Variants in ITPR2 observed in about 807,000 individuals in gnomAD.
The protein encoded by ITPR2 is inositol 1,4,5-trisphosphate receptor type 2, also known as inositol 1,4,5-trisphosphate-gated calcium channel ITPR2.
In ITPR2, 207 loss-of-function variants were observed where a neutral mutation model predicts 317.1. The ratio of observed to expected loss-of-function variants is 0.65; its 90% CI spans 0.58 to 0.73. The LOEUF is 0.73. Ranked by LOEUF, ITPR2 falls within the 30% of genes least tolerant of loss-of-function variation. The pLI, the probability that ITPR2 is intolerant of heterozygous loss-of-function variation, is 0.00. For missense variants in ITPR2, 2,613 were observed against 3,284.0 expected (o/e 0.80, Z 4.99); for synonymous variants, 1,156 against 1,149.1 (o/e 1.01, Z -0.12).
rs185534696 is a variant in ITPR2 at position 26,345,492 on chromosome 12, G to T, written c.7858-5164C>A. ...ATTAAGACAATATACTGTGATAAAA[G>T]TGGCTTCTGTTTCTCTCTCTCAAAA... On this transcript the variant is annotated intron_variant, in intron 55 of 56. Coordinates refer to ENST00000381340, the MANE Select transcript of ITPR2 (RefSeq NM_002223.4). Among the ~76,000 whole-genome samples the T allele has an allele frequency of 7.2e-5, 11 of 152,320 alleles. No individual in the cohort carries two copies. The East Asian group carries it at 1.7e-3, about 24-fold the overall frequency.
At chr12:26,759,194 C>T (rs1949585368) in intron 2 of ITPR2, among the ~76,000 whole-genome samples, 1 of 152,166 alleles carries the variant, frequency 6.6e-6, no homozygotes, top group African/African-American at 2.4e-5. Context: ...GGGCCATTAC[C>T]CATTACATGA....
At chr12:26,540,183 G>A (rs1944219196) in intron 37 of ITPR2, among the ~76,000 whole-genome samples, 1 of 152,140 alleles carries the variant, frequency 6.6e-6, no homozygotes, top group Non-Finnish European at 1.5e-5. Context: ...TCCCCAAGGA[G>A]TTTCTAACTT....
chr12:26,479,455 A>G (rs757274841), intron 43 of ITPR2, among the ~76,000 whole-genome samples: 7 of 152,126 alleles, frequency 4.6e-5, no homozygotes, highest in Admixed American at 2.0e-4. Flanking sequence ...ATTAATTACA[A>G]ATGAAATTTA....
intron 55 of ITPR2, among the ~76,000 whole-genome samples, chr12:26,363,984 C>T (rs1938924911): frequency 6.6e-6 from 1 of 152,138 alleles, no homozygotes; most frequent in South Asian, 2.1e-4. Context: ...AGGAAGACTG[C>T]ACTGAGCTTG....
chr12:26,469,343 G>A (rs1169120121), intron 45 of ITPR2, among the ~76,000 whole-genome samples: 6 of 152,168 alleles, frequency 3.9e-5, no homozygotes, highest in Admixed American at 3.9e-4. Context: ...GCTGGGGGTA[G>A]GTTCAAGCTA....
intron 32 of ITPR2, among the ~76,000 whole-genome samples, chr12:26,587,513 T>A (rs1425466334): frequency 6.6e-6 from 1 of 152,074 alleles, no homozygotes; most frequent in Non-Finnish European, 1.5e-5. Flanking sequence ...GAGATAGGAA[T>A]GCATTTGGCA....
intron 22 of ITPR2, among the ~76,000 whole-genome samples, chr12:26,630,110 AG>A (rs1414200225): frequency 2.0e-5 from 3 of 152,210 alleles, no homozygotes; most frequent in African/African-American, 7.2e-5. Context: ...AGCAGAAGGC[AG>A]GGGGCAGAGC....
chr12:26,357,709 T>C (rs1485596581), intron 55 of ITPR2, among the ~76,000 whole-genome samples: 1 of 152,246 alleles, frequency 6.6e-6, no homozygotes, highest in Admixed American at 6.5e-5. Flanking sequence ...CGGTCTGCAC[T>C]AAGCCTGAGT....
chr12:26,564,778 C>T (rs1434459757), intron 34 of ITPR2, among the ~76,000 whole-genome samples: 3 of 152,168 alleles, frequency 2.0e-5, no homozygotes, highest in Admixed American at 1.3e-4. Context: ...TTCCCTGGAG[C>T]CTTCAGAGAG....
intron 1 of ITPR2, among the ~76,000 whole-genome samples, chr12:26,829,777 G>T (rs1242000574): frequency 6.6e-6 from 1 of 152,138 alleles, no homozygotes; most frequent in Non-Finnish European, 1.5e-5. Context: ...AGGGAGGCAT[G>T]GTCATATCCA....
chr12:26,585,354 T>C (rs921323430), intron 32 of ITPR2, among the ~76,000 whole-genome samples: 1 of 152,212 alleles, frequency 6.6e-6, no homozygotes, highest in African/African-American at 2.4e-5. Flanking sequence ...TATATAATAA[T>C]TTATTTAACC....
At position 26,599,945 on chromosome 12, in the gene ITPR2, G is replaced by A. The variant is rs567753673; in HGVS notation, c.3801+42C>T. 6 of 1,474,104 alleles carry A rather than the reference G, an allele frequency of 4.1e-6. No homozygotes were observed. In the African/African-American group the frequency reaches 8.4e-5, roughly 21 times the overall value. The allele number at this position is 1,474,104 out of a possible 1,614,324, so 91.3% of individuals were successfully genotyped here. On this transcript the variant is annotated intron_variant, in intron 29 of 56. Coordinates refer to ENST00000381340, the MANE Select transcript of ITPR2 (RefSeq NM_002223.4). ...TGAATGTTACTGAGACAAATTTGATGCACACTTTACTAGAAATACTAGAAG... is the reference window on the plus strand; with the variant it reads ...TGAATGTTACTGAGACAAATTTGATACACACTTTACTAGAAATACTAGAAG...
chr12:26,534,008 C>A (rs1368686365), intron 37 of ITPR2, among the ~76,000 whole-genome samples: 1 of 152,138 alleles, frequency 6.6e-6, no homozygotes. Context: ...GTCAGCCCAG[C>A]CTTTTCTCCA....
At chr12:26,609,087 G>C (rs1402665559) in intron 26 of ITPR2, among the ~76,000 whole-genome samples, 1 of 152,222 alleles carries the variant, frequency 6.6e-6, no homozygotes, top group Non-Finnish European at 1.5e-5. Flanking sequence ...ATGGTTGTAA[G>C]AAGGGGGGTG....
chr12:26,516,255 A>AGGAAGGGAAAGGAAG (rs1565574424), intron 37 of ITPR2, among the ~76,000 whole-genome samples: 1 of 36,918 alleles, frequency 2.7e-5, no homozygotes, highest in South Asian at 1.3e-3. Context: ...AGGAAAGGAA[A>AGGAAGGGAAAGGAAG]GGAAAGGAAA....
chr12:26,783,675 C>T (rs7298744), intron 2 of ITPR2, among the ~76,000 whole-genome samples: 55,715 of 151,842 alleles, frequency 0.37, 12,702 homozygotes, highest in Non-Finnish European at 0.53. Flanking sequence ...AAATTGTACA[C>T]AAAAAAATAA....
intron 55 of ITPR2, among the ~76,000 whole-genome samples, chr12:26,341,113 C>G (rs904068201): frequency 6.6e-6 from 1 of 152,140 alleles, no homozygotes; most frequent in Non-Finnish European, 1.5e-5. Context: ...TTTTTCCATC[C>G]TCCCCAAAGC....
chr12:26,831,707 T>C lies in ITPR2; in HGVS notation c.92+983A>G, dbSNP rs893103461. Among the ~76,000 whole-genome samples, 2 of 133,698 alleles carry C rather than the reference T, an allele frequency of 1.5e-5. No homozygotes were observed. Among genetic ancestry groups the C allele is most frequent in the African/African-American group, 5.3e-5 (2 of 37,584 alleles). 87.7% of individuals were successfully genotyped at this position (133,698 alleles called of 152,430 possible). A position where few individuals can be genotyped will look rare whatever the true frequency, so the allele number is the denominator to read the frequency against. Reference sequence around the variant, plus strand: ...ATATATATATATTCTACATAAAATATATAAATATATATTCTACATAAAATA... The same window carrying C: ...ATATATATATATTCTACATAAAATACATAAATATATATTCTACATAAAATA... On this transcript the variant is annotated intron_variant, in intron 1 of 56. Coordinates refer to ENST00000381340, the MANE Select transcript of ITPR2 (RefSeq NM_002223.4). This position sits in a 1 kb window ranked among gnomAD's most constrained non-coding sequence, Gnocchi z 4.9.
intron 1 of ITPR2, among the ~76,000 whole-genome samples, chr12:26,800,569 C>A (rs1394588874): frequency 6.6e-6 from 1 of 152,040 alleles, no homozygotes; most frequent in Non-Finnish European, 1.5e-5. Flanking sequence ...CTGAGTTGAG[C>A]CTGGGCAACA....
Sources: allele counts gnomAD v4.1 joint callset (sites outside exome capture counted in the v4.1 genomes callset), GRCh38; gene constraint gnomAD v4.1.1; non-coding constraint Gnocchi (gnomAD v3.1); transcripts MANE v1.5; gene names NCBI Gene and HGNC (gene_info 2026-07-23, HGNC 2026-07-21).